Variants in ADAM12 observed in about 807,000 individuals in gnomAD.
ADAM12 encodes the protein ADAM metallopeptidase domain 12.
In ADAM12, 70 loss-of-function variants were observed where a neutral mutation model predicts 106.4. That is an observed-to-expected ratio of 0.66 (90% CI 0.54 to 0.80). ADAM12 has a LOEUF of 0.80. ADAM12 is among the 30% of genes least tolerant of loss of function. The pLI, the probability that ADAM12 is intolerant of heterozygous loss-of-function variation, is 0.00. For missense variants in ADAM12, 1,010 were observed against 1,171.9 expected (o/e 0.86, Z 2.02); for synonymous variants, 420 against 433.5 (o/e 0.97, Z 0.39).
At chr10:126,114,735 C>T (rs1242807769) in intron 6 of ADAM12, among the ~76,000 whole-genome samples, 1 of 152,206 alleles carries the variant, frequency 6.6e-6, no homozygotes, top group African/African-American at 2.4e-5. Context: ...CTGCTTCAGC[C>T]TCCCAAAGTG....
rs146266153 is a variant in ADAM12, at chr10:126,014,380, A to G, written c.*2899T>C. 32 of 122,674 alleles carry G rather than the reference A, an allele frequency of 2.6e-4. No individual in the cohort carries two copies. The highest frequency in any genetic ancestry group is 8.5e-4 in the African/African-American group (26 of 30,652). 7.6% of individuals were successfully genotyped at this position (122,674 alleles called of 1,614,324 possible). On this transcript the variant is annotated 3_prime_UTR_variant, in exon 23 of 23. Transcript: ENST00000448723. ...TTGATTTGCCTGGGAACAATGGCCT[A>G]TAGTTCAGCCTGAGAATTCTCATAA...
At chr10:126,125,403 C>A (rs1956188817) in intron 5 of ADAM12, among the ~76,000 whole-genome samples, 1 of 152,000 alleles carries the variant, frequency 6.6e-6, no homozygotes, top group Non-Finnish European at 1.5e-5. Flanking sequence ...TGCCACCACA[C>A]CCAGCTAGCT....
At chr10:126,125,064 A>G (rs1956180651) in intron 5 of ADAM12, among the ~76,000 whole-genome samples, 1 of 151,998 alleles carries the variant, frequency 6.6e-6, no homozygotes, top group Admixed American at 6.6e-5. Context: ...ACTCCTTGAA[A>G]GCATGCAATC....
At chr10:126,360,723 A>G (rs1047519354) in intron 1 of ADAM12, among the ~76,000 whole-genome samples, 2 of 152,100 alleles carry the variant, frequency 1.3e-5, no homozygotes, top group African/African-American at 4.8e-5. Context: ...GAGCCCTCCA[A>G]ACTGTTTCAA....
chr10:126,153,480 C>T (rs1472581141), intron 4 of ADAM12, among the ~76,000 whole-genome samples: 1 of 152,190 alleles, frequency 6.6e-6, no homozygotes, highest in Non-Finnish European at 1.5e-5. Context: ...TCTGATTAAA[C>T]ACGGCTTGTT....
intron 5 of ADAM12, among the ~76,000 whole-genome samples, chr10:126,121,172 T>TACTATATAC (rs1956096774): frequency 1.0e-5 from 1 of 97,200 alleles, no homozygotes; most frequent in Admixed American, 1.5e-4. Context: ...ATACTATATA[T>TACTATATAC]ACTATATACA....
At chr10:126,344,179 A>T (rs1463368064) in intron 1 of ADAM12, among the ~76,000 whole-genome samples, 1 of 152,092 alleles carries the variant, frequency 6.6e-6, no homozygotes, top group Non-Finnish European at 1.5e-5. Flanking sequence ...TCTTTAATCC[A>T]TCTTGAATTA....
chr10:126,136,620 C>G (rs556815970), intron 4 of ADAM12, among the ~76,000 whole-genome samples: 1 of 152,178 alleles, frequency 6.6e-6, no homozygotes, highest in Non-Finnish European at 1.5e-5. Flanking sequence ...AGCTTGGTGT[C>G]CAGTCATTCT....
At chr10:126,131,542 T>C (rs949352677) in intron 5 of ADAM12, among the ~76,000 whole-genome samples, 2 of 152,086 alleles carry the variant, frequency 1.3e-5, no homozygotes, top group Admixed American at 1.3e-4. Flanking sequence ...CAGGCTTAGA[T>C]GAGATCATGA....
At chr10:126,251,369 C>G (rs1171404770) in intron 3 of ADAM12, among the ~76,000 whole-genome samples, 3 of 152,204 alleles carry the variant, frequency 2.0e-5, no homozygotes, top group Non-Finnish European at 4.4e-5. Context: ...GATGAGGAAG[C>G]AGGCTTAAAG....
intron 20 of ADAM12, 45 bp downstream of exon 20, chr10:126,038,196 T>C (rs1309289974): frequency 6.7e-7 from 1 of 1,500,688 alleles, no homozygotes; most frequent in Admixed American, 1.9e-5. Flanking sequence ...GAAAACCTCA[T>C]GTCTGCATGT....
At chr10:126,300,566 C>T (rs1237939281) in intron 2 of ADAM12, among the ~76,000 whole-genome samples, 1 of 152,150 alleles carries the variant, frequency 6.6e-6, no homozygotes, top group African/African-American at 2.4e-5. Context: ...ACGGCCAAGA[C>T]ACATTTTAAA....
chr10:126,190,941 A>G (rs1308263322), intron 3 of ADAM12, among the ~76,000 whole-genome samples: 1 of 142,046 alleles, frequency 7.0e-6, no homozygotes, highest in African/African-American at 2.6e-5. Context: ...CAGGGTGAAG[A>G]GTCTGGGAGA....
At chr10:126,022,253 T>C (rs1210904201) in intron 21 of ADAM12, among the ~76,000 whole-genome samples, 3 of 152,200 alleles carry the variant, frequency 2.0e-5, no homozygotes, top group Admixed American at 6.5e-5. Context: ...TCTCCTACTT[T>C]AGAAGATAAA....
chr10:126,283,873 C>T (rs1385859192), intron 2 of ADAM12, among the ~76,000 whole-genome samples: 1 of 152,148 alleles, frequency 6.6e-6, no homozygotes, highest in South Asian at 2.1e-4. Context: ...TTCCCTACTC[C>T]AAGATCAAAA....
At chr10:126,036,799 A>G (rs1037382412) in intron 20 of ADAM12, among the ~76,000 whole-genome samples, 3 of 152,318 alleles carry the variant, frequency 2.0e-5, no homozygotes, top group East Asian at 3.9e-4. Flanking sequence ...ACGTTCTCCC[A>G]TATGGTAACC....
Position 126,053,088 on chromosome 10 carries a change from A to C in ADAM12, c.1610-3419T>G, listed in dbSNP as rs982471942. ...ATAGTGAGTTGAGATCTGGTCGTTT[A>C]AAAGTGTGTGGCACCTCCCTTTTCC... On this transcript the variant is annotated intron_variant, in intron 14 of 22. Transcript: ENST00000448723. The surrounding 1 kb of genome is among the most constrained non-coding windows in gnomAD (Gnocchi z 4.6). Among the ~76,000 whole-genome samples, 8 of 152,082 alleles carry C rather than the reference A, an allele frequency of 5.3e-5. No individual in the cohort carries two copies. The highest frequency in any genetic ancestry group is 1.0e-4 in the Non-Finnish European group (7 of 68,018).
chr10:126,275,716 A>G (rs72828720), intron 3 of ADAM12, among the ~76,000 whole-genome samples: 8,416 of 152,276 alleles, frequency 0.055, 319 homozygotes, highest in Admixed American at 0.11. Context: ...AGGCCTCTCA[A>G]AATAACTTTT....
At chr10:126,263,787 A>G (rs2133715904) in intron 3 of ADAM12, among the ~76,000 whole-genome samples, 1 of 152,328 alleles carries the variant, frequency 6.6e-6, no homozygotes, top group South Asian at 2.1e-4. Context: ...ATTACTTTGG[A>G]AAAAGCAGCT....
Sources: allele counts gnomAD v4.1 joint callset (sites outside exome capture counted in the v4.1 genomes callset), GRCh38; gene constraint gnomAD v4.1.1; non-coding constraint Gnocchi (gnomAD v3.1); transcripts MANE v1.5; gene names NCBI Gene and HGNC (gene_info 2026-07-23, HGNC 2026-07-21).